CHCHD3: variants seen among roughly 807,000 people sequenced by gnomAD.
CHCHD3 encodes coiled-coil-helix-coiled-coil-helix domain containing 3.
Under a neutral mutation model 38.2 loss-of-function variants are expected in CHCHD3, and 20 were observed. That is an observed-to-expected ratio of 0.52 (90% CI 0.37 to 0.76). CHCHD3 has a LOEUF of 0.76. CHCHD3 is among the 30% of genes least tolerant of loss of function. The pLI is 0.00. For missense variants in CHCHD3, 245 were observed against 279.2 expected, an observed-to-expected ratio of 0.88 and a Z score of 0.87; for synonymous variants, 82 against 100.0, an observed-to-expected ratio of 0.82 and a Z score of 1.07.
At chr7:132,972,584 G>GT (rs2117327446) in intron 4 of CHCHD3, 2 of 985,192 alleles carry the variant, frequency 2.0e-6, no homozygotes, top group South Asian at 9.4e-5. Context: ...GAGAAATCTG[G>GT]TAAATAAATT....
intron 2 of CHCHD3, chr7:133,034,998 G>A (rs780755571): frequency 1.5e-5 from 24 of 1,609,690 alleles, no homozygotes; most frequent in Non-Finnish European, 2.0e-5. Flanking sequence ...CCAGAAATAT[G>A]GCAGTGCCAC....
At chr7:133,070,820 G>A (rs1272478184) in intron 1 of CHCHD3, among the ~76,000 whole-genome samples, 1 of 152,212 alleles carries the variant, frequency 6.6e-6, no homozygotes, top group East Asian at 1.9e-4. Flanking sequence ...AGTGCTACCT[G>A]AGTGAGTCAG....
chr7:132,816,470 GA>G (rs1224083918), intron 6 of CHCHD3, among the ~76,000 whole-genome samples: 85 of 152,274 alleles, frequency 5.6e-4, no homozygotes, highest in African/African-American at 1.9e-3. Context: ...AGCATTTTAG[GA>G]GTACCTTCCC....
At chr7:132,807,606 A>AATATATATATATATATATAT (rs55835343) in intron 6 of CHCHD3, among the ~76,000 whole-genome samples, 18 of 108,952 alleles carry the variant, frequency 1.7e-4, no homozygotes, top group East Asian at 2.4e-4. Flanking sequence ...CATACACATA[A>AATATATATATATATATATAT]ATATATATAT....
chr7:132,879,257 G>T (rs1015053955), intron 5 of CHCHD3, among the ~76,000 whole-genome samples: 1 of 152,028 alleles, frequency 6.6e-6, no homozygotes, highest in Non-Finnish European at 1.5e-5. Context: ...TAAATGCAGT[G>T]GGGGGAGGTG....
At chr7:133,048,500 G>C (rs917715759) in intron 2 of CHCHD3, among the ~76,000 whole-genome samples, 6 of 152,164 alleles carry the variant, frequency 3.9e-5, no homozygotes, top group African/African-American at 1.4e-4. Context: ...GCCTAATAGA[G>C]AAGTGAGGAG....
chr7:133,064,161 G>T (rs1013395985), intron 2 of CHCHD3, among the ~76,000 whole-genome samples: 1 of 152,210 alleles, frequency 6.6e-6, no homozygotes, highest in African/African-American at 2.4e-5. Flanking sequence ...GACCAAACTA[G>T]TAATTCCTTG....
At chr7:133,004,211 C>T (rs1812643018) in intron 3 of CHCHD3, among the ~76,000 whole-genome samples, 1 of 152,186 alleles carries the variant, frequency 6.6e-6, no homozygotes, top group Non-Finnish European at 1.5e-5. Flanking sequence ...ATCTGCCTGC[C>T]TCAGCCTCCC....
At chr7:132,865,666 G>C (rs117699338) in intron 5 of CHCHD3, among the ~76,000 whole-genome samples, 1 of 148,630 alleles carries the variant, frequency 6.7e-6, no homozygotes, top group Admixed American at 6.8e-5. Flanking sequence ...TAAGACAAAA[G>C]AAACTGTTTT....
chr7:132,897,234 T>C (rs1809523309), intron 4 of CHCHD3, among the ~76,000 whole-genome samples: 2 of 152,220 alleles, frequency 1.3e-5, no homozygotes, highest in African/African-American at 2.4e-5. Context: ...CACTCTGACA[T>C]AGAGACGCCA....
intron 2 of CHCHD3, among the ~76,000 whole-genome samples, chr7:133,025,374 A>G (rs1292688851): frequency 6.6e-6 from 1 of 152,230 alleles, no homozygotes; most frequent in Non-Finnish European, 1.5e-5. Flanking sequence ...AGAGGCTTCC[A>G]CAAGAAATAA....
chr7:133,022,231 G>A (rs576033704), intron 3 of CHCHD3, among the ~76,000 whole-genome samples: 53 of 152,280 alleles, frequency 3.5e-4, no homozygotes, highest in African/African-American at 1.2e-3. Context: ...GTACGTAGAT[G>A]CGTATGTCCA....
chr7:132,933,656 G>A (rs1810568452), intron 4 of CHCHD3, among the ~76,000 whole-genome samples: 1 of 152,052 alleles, frequency 6.6e-6, no homozygotes, highest in Non-Finnish European at 1.5e-5. Context: ...AAATGTACTC[G>A]ATTAACAAAA....
At chr7:132,933,165 G>T (rs1810554999) in intron 4 of CHCHD3, among the ~76,000 whole-genome samples, 1 of 152,154 alleles carries the variant, frequency 6.6e-6, no homozygotes, top group African/African-American at 2.4e-5. Context: ...CAGTTATTTT[G>T]CATCAAGGGC....
chr7:132,852,578 T>C (rs1808244864), intron 5 of CHCHD3, among the ~76,000 whole-genome samples: 1 of 152,224 alleles, frequency 6.6e-6, no homozygotes, highest in African/African-American at 2.4e-5. Context: ...CCTTGAATTA[T>C]TATTTCTTTG....
intron 1 of CHCHD3, among the ~76,000 whole-genome samples, chr7:133,071,388 A>T (rs1211847460): frequency 6.6e-6 from 1 of 152,182 alleles, no homozygotes; most frequent in African/African-American, 2.4e-5. Context: ...GTGGGGAGGG[A>T]AGGTAGAGAT....
At chr7:132,983,282 C>A (rs905562481) in intron 3 of CHCHD3, among the ~76,000 whole-genome samples, 1 of 152,172 alleles carries the variant, frequency 6.6e-6, no homozygotes, top group Admixed American at 6.5e-5. Flanking sequence ...GAGATCACGC[C>A]ATTGCACTCC....
chr7:132,817,945 T>C (rs1486643569), intron 6 of CHCHD3, among the ~76,000 whole-genome samples: 2 of 151,542 alleles, frequency 1.3e-5, no homozygotes, highest in African/African-American at 4.8e-5. Context: ...AAAGGAAAGC[T>C]TTGGAGAAAT....
At chr7:132,861,449 C>T (rs1289624285) in intron 5 of CHCHD3, among the ~76,000 whole-genome samples, 1 of 152,216 alleles carries the variant, frequency 6.6e-6, no homozygotes, top group Non-Finnish European at 1.5e-5. Flanking sequence ...ACTCGCTAGA[C>T]TCTGAGCTCT....
Sources: gnomAD v4.1 joint callset for allele counts (sites outside exome capture counted in the v4.1 genomes callset) on GRCh38, gnomAD v4.1.1 for gene constraint, MANE v1.5 for transcripts, NCBI Gene and HGNC (gene_info 2026-07-23, HGNC 2026-07-21) for gene names.